The following ZNF804B variants were observed in gnomAD, a reference collection of about 807,000 sequenced individuals.
The protein encoded by ZNF804B is zinc finger 804B.
A neutral mutation model predicts 101.4 loss-of-function variants in ZNF804B; 80 were observed. That is an observed-to-expected ratio of 0.79 (90% CI 0.66 to 0.95). The LOEUF (loss-of-function observed/expected upper bound fraction) is 0.95. ZNF804B is among the 40% of genes least tolerant of loss of function. The pLI is 0.00. For missense variants in ZNF804B, 1,673 were observed against 1,561.9 expected (o/e 1.07, Z -1.20); for synonymous variants, 622 against 558.8 (o/e 1.11, Z -1.59).
In ZNF804B at chr7:88,906,717, G is replaced by T. The variant is rs140675959; in HGVS notation, c.108+146633G>T. Among the ~76,000 whole-genome samples, 520 of 152,126 alleles carry T rather than the reference G, an allele frequency of 3.4e-3. 3 individuals carry two copies. The highest frequency in any genetic ancestry group is 0.02 in the South Asian group (98 of 4,824). ...AAAATAATGTATATTCTGGTTGTTGGGTGGAGTGTTCTATAGGTGTCTACT... is the reference window on the plus strand; with the variant it reads ...AAAATAATGTATATTCTGGTTGTTGTGTGGAGTGTTCTATAGGTGTCTACT... On this transcript the variant is annotated intron_variant, in intron 1 of 3. Coordinates refer to ENST00000333190, the MANE Select transcript of ZNF804B (RefSeq NM_181646.5).
At chr7:89,040,284 T>A (rs1788995946) in intron 1 of ZNF804B, among the ~76,000 whole-genome samples, 1 of 152,044 alleles carries the variant, frequency 6.6e-6, no homozygotes, top group African/African-American at 2.4e-5. Context: ...TTTATTTCTT[T>A]ACTCTTTTTT....
At chr7:88,851,988 T>A (rs1217219226) in intron 1 of ZNF804B, among the ~76,000 whole-genome samples, 2 of 152,098 alleles carry the variant, frequency 1.3e-5, no homozygotes, top group Admixed American at 1.3e-4. Flanking sequence ...CCATTGATAG[T>A]TTCTTCAAGT....
At chr7:88,884,707 A>G (rs1295510493) in intron 1 of ZNF804B, among the ~76,000 whole-genome samples, 1 of 151,958 alleles carries the variant, frequency 6.6e-6, no homozygotes, top group African/African-American at 2.4e-5. Context: ...AATATCATTT[A>G]CCTAGTAAAT....
At chr7:88,924,450 A>G (rs1389686767) in intron 1 of ZNF804B, among the ~76,000 whole-genome samples, 2 of 152,122 alleles carry the variant, frequency 1.3e-5, no homozygotes, top group Non-Finnish European at 2.9e-5. Flanking sequence ...ATGAGACATT[A>G]ATCATGTATC....
intron 1 of ZNF804B, among the ~76,000 whole-genome samples, chr7:88,762,697 TGAC>T (rs1462621442): frequency 6.7e-6 from 1 of 148,604 alleles, no homozygotes; most frequent in African/African-American, 2.5e-5. Flanking sequence ...ATAGCTACTC[TGAC>T]TTTTTTTTTT....
chr7:89,193,272 C>CA (rs1788488965), intron 1 of ZNF804B, among the ~76,000 whole-genome samples: 2 of 92,634 alleles, frequency 2.2e-5, no homozygotes, highest in African/African-American at 4.4e-5. Flanking sequence ...CCAAAAGCTT[C>CA]GTTTTTTTTT....
intron 1 of ZNF804B, among the ~76,000 whole-genome samples, chr7:89,038,436 A>C (rs528006072): frequency 1.3e-5 from 2 of 152,148 alleles, no homozygotes; most frequent in Admixed American, 6.6e-5. Context: ...ATCTTTTAAC[A>C]TATCTATTGG....
chr7:89,058,949 C>T (rs763380393), intron 1 of ZNF804B, among the ~76,000 whole-genome samples: 1 of 33,804 alleles, frequency 3.0e-5, no homozygotes, highest in Non-Finnish European at 5.3e-5. Flanking sequence ...GAAGTTTGGC[C>T]TCCTAAAGTG....
intron 1 of ZNF804B, among the ~76,000 whole-genome samples, chr7:88,878,969 C>G (rs1043462538): frequency 1.3e-5 from 2 of 152,138 alleles, no homozygotes; most frequent in African/African-American, 4.8e-5. Flanking sequence ...TCTACTCATG[C>G]TTCAGTACAT....
intron 1 of ZNF804B, among the ~76,000 whole-genome samples, chr7:89,186,294 A>G (rs970097638): frequency 1.3e-5 from 2 of 152,132 alleles, no homozygotes; most frequent in African/African-American, 2.4e-5. Flanking sequence ...TCTATCTAAA[A>G]AAATAAAATA....
At chr7:88,855,641 G>A (rs2115842641) in intron 1 of ZNF804B, among the ~76,000 whole-genome samples, 1 of 152,266 alleles carries the variant, frequency 6.6e-6, no homozygotes, top group African/African-American at 2.4e-5. Context: ...GGCTTTTGTT[G>A]CCATTGCTTT....
At chr7:88,846,587 G>GAGCT (rs1317664261) in intron 1 of ZNF804B, among the ~76,000 whole-genome samples, 1 of 152,142 alleles carries the variant, frequency 6.6e-6, no homozygotes, top group Non-Finnish European at 1.5e-5. Flanking sequence ...CCTGGGATTG[G>GAGCT]AGCTCAACTG....
chr7:89,081,930 A>G (rs75293901), intron 1 of ZNF804B, among the ~76,000 whole-genome samples: 1 of 151,622 alleles, frequency 6.6e-6, no homozygotes, highest in Non-Finnish European at 1.5e-5. Context: ...CTTCCTTTCA[A>G]TTTCATAAAT....
intron 1 of ZNF804B, among the ~76,000 whole-genome samples, chr7:89,081,722 G>A (rs1789700850): frequency 6.6e-6 from 1 of 151,610 alleles, no homozygotes; most frequent in Non-Finnish European, 1.5e-5. Context: ...AAATCTAACT[G>A]CTCTCATTCT....
In ZNF804B at chr7:89,337,901, C is replaced by T. The variant is rs946312688; in HGVS notation, c.*869C>T. 6.6e-6 allele frequency among the ~76,000 whole-genome samples: 1 copy of T among 151,864 alleles called. No individual in the cohort carries two copies. The highest frequency in any genetic ancestry group is 1.5e-5 in the Non-Finnish European group (1 of 67,892). On this transcript the variant is annotated 3_prime_UTR_variant, in exon 4 of 4. Transcript: ENST00000333190. Reference sequence around the variant, plus strand: ...ACTCAAAAATTTTACTACGTTCAGCCAATACATGTATAAGGATAGAGGTAA... The same window carrying T: ...ACTCAAAAATTTTACTACGTTCAGCTAATACATGTATAAGGATAGAGGTAA...
intron 1 of ZNF804B, among the ~76,000 whole-genome samples, chr7:88,858,852 C>T (rs1397204462): frequency 1.3e-5 from 2 of 151,928 alleles, no homozygotes; most frequent in Non-Finnish European, 2.9e-5. Flanking sequence ...GAACTTGATG[C>T]CAATATTTTC....
At chr7:88,877,225 G>T (rs952242347) in intron 1 of ZNF804B, among the ~76,000 whole-genome samples, 1 of 149,434 alleles carries the variant, frequency 6.7e-6, no homozygotes, top group Non-Finnish European at 1.5e-5. Flanking sequence ...AGGGAAAATA[G>T]AATTTTAAAA....
chr7:88,950,682 C>T (rs1053516843), intron 1 of ZNF804B, among the ~76,000 whole-genome samples: 14 of 151,382 alleles, frequency 9.2e-5, no homozygotes, highest in Admixed American at 8.6e-4. Context: ...TCTCTTTATG[C>T]CTTTGCAGGT....
At chr7:89,298,110 G>A (rs1256210700) in intron 2 of ZNF804B, among the ~76,000 whole-genome samples, 5 of 110,840 alleles carry the variant, frequency 4.5e-5, no homozygotes, top group African/African-American at 1.7e-4. Flanking sequence ...GTTGACAAAG[G>A]CCTCTATTTC....
Sources: allele counts gnomAD v4.1 joint callset (sites outside exome capture counted in the v4.1 genomes callset), GRCh38; gene constraint gnomAD v4.1.1; transcripts MANE v1.5; gene names NCBI Gene and HGNC (gene_info 2026-07-23, HGNC 2026-07-21).